The following CPD variants were observed in gnomAD, a reference collection of about 807,000 sequenced individuals.
CPD encodes the protein metallocarboxypeptidase D.
In CPD, 69 loss-of-function variants were observed where a neutral mutation model predicts 138.3. That is an observed-to-expected ratio of 0.50 (90% CI 0.41 to 0.61). The LOEUF (loss-of-function observed/expected upper bound fraction) is 0.61. Ranked by LOEUF, CPD falls within the 20% of genes least tolerant of loss-of-function variation. The pLI is 0.00. For synonymous variants in CPD, 651 were observed against 642.1 expected (o/e 1.01, Z -0.21); for missense variants, 1,432 against 1,733.3 (o/e 0.83, Z 3.09).
At chr17:30,390,296 C>T (rs781180533) in intron 2 of CPD, among the ~76,000 whole-genome samples, 56 of 152,116 alleles carry the variant, frequency 3.7e-4, no homozygotes, top group Non-Finnish European at 6.2e-4. Context: ...GGATTATAAA[C>T]GGGAGCCACA....
chr17:30,421,899 A>T, intron 4 of CPD, 66 bp downstream of exon 4: 2 of 1,223,540 alleles, frequency 1.6e-6, no homozygotes, highest in Non-Finnish European at 2.4e-6. Flanking sequence ...TCTGAGACAG[A>T]AATATAGTCT....
chr17:30,386,622 C>A (rs960718971), intron 2 of CPD, among the ~76,000 whole-genome samples: 2 of 152,142 alleles, frequency 1.3e-5, no homozygotes, highest in East Asian at 3.9e-4. Flanking sequence ...ATCCCTTACC[C>A]CCAGCCATTG....
chr17:30,462,101 A>C, intron 19 of CPD, 39 bp downstream of exon 19: 1 of 1,511,468 alleles, frequency 6.6e-7, no homozygotes, highest in South Asian at 1.2e-5. Context: ...GTAAATTTTT[A>C]TTCTTAATAA....
At chr17:30,382,275 ATAGAGT>A (rs1413229577) in intron 1 of CPD, among the ~76,000 whole-genome samples, 1 of 152,298 alleles carries the variant, frequency 6.6e-6, no homozygotes, top group Non-Finnish European at 1.5e-5. Context: ...GGATAGCGTA[ATAGAGT>A]TAATTTAGAG....
Position 30,379,782 on chromosome 17 carries a change from T to C in CPD, c.746+56T>C. 1 of 1,263,186 alleles carries C rather than the reference T, an allele frequency of 7.9e-7. No individual in the cohort carries two copies. The highest frequency in any genetic ancestry group is 3.3e-5 in the Admixed American group (1 of 30,328). 78.2% of individuals were successfully genotyped at this position (1,263,186 alleles called of 1,614,324 possible). Reference sequence around the variant, plus strand: ...GTGAGCCTCCAAGGGCCGAGGCTGGTTCCGGCACCCAGTAGGCGCTCAGAC... The same window carrying C: ...GTGAGCCTCCAAGGGCCGAGGCTGGCTCCGGCACCCAGTAGGCGCTCAGAC... On this transcript the variant is annotated intron_variant, in intron 1 of 20. Transcript: ENST00000225719. This position sits in a 1 kb window ranked among gnomAD's most constrained non-coding sequence, Gnocchi z 7.0.
intron 4 of CPD, 60 bp downstream of exon 4, chr17:30,421,893 A>G (rs1453579713): frequency 3.4e-5 from 44 of 1,290,122 alleles, no homozygotes; most frequent in Non-Finnish European, 4.5e-5. Flanking sequence ...TTTATATCTG[A>G]GACAGAAATA....
At chr17:30,441,574 A>G (rs1912863923) in intron 9 of CPD, among the ~76,000 whole-genome samples, 1 of 70,606 alleles carries the variant, frequency 1.4e-5, no homozygotes, top group Admixed American at 1.7e-4. Flanking sequence ...TATTATTTTG[A>G]AATACGTCCC....
At chr17:30,452,014 C>T (rs1913178609) in intron 14 of CPD, among the ~76,000 whole-genome samples, 168 bp downstream of exon 14, 1 of 152,110 alleles carries the variant, frequency 6.6e-6, no homozygotes, top group Admixed American at 6.5e-5. Context: ...GAATTTTTCT[C>T]CATTATTATT....
chr17:30,459,368 A>G (rs1389270088), intron 17 of CPD, among the ~76,000 whole-genome samples: 20 of 149,466 alleles, frequency 1.3e-4, no homozygotes. Flanking sequence ...TCCTAATGCT[A>G]TCCCTCCCCC....
chr17:30,400,652 CTTTTTTTTTT>C (rs34301387), intron 2 of CPD, among the ~76,000 whole-genome samples: 3 of 57,578 alleles, frequency 5.2e-5, no homozygotes, highest in Admixed American at 5.5e-4. Flanking sequence ...TGCCATCATT[CTTTTTTTTTT>C]TTTTTTTTTT....
At chr17:30,446,442 T>TG (rs1227304672) in intron 12 of CPD, among the ~76,000 whole-genome samples, 1 of 152,178 alleles carries the variant, frequency 6.6e-6, no homozygotes, top group Non-Finnish European at 1.5e-5. Context: ...TTTTTGTCCT[T>TG]GCGATAGTTT....
intron 12 of CPD, among the ~76,000 whole-genome samples, chr17:30,449,234 CTAAA>C (rs1430866613): frequency 1.3e-5 from 2 of 152,046 alleles, no homozygotes; most frequent in Admixed American, 6.5e-5. Flanking sequence ...AATATATTAA[CTAAA>C]TAGTAGTGTA....
At chr17:30,455,902 G>A in intron 15 of CPD, 1 of 270,982 alleles carries the variant, frequency 3.7e-6, no homozygotes, top group Non-Finnish European at 7.0e-6. Context: ...AATCTCTGTG[G>A]GGTCGCAGTA....
At chr17:30,381,267 A>G (rs1435717269) in intron 1 of CPD, among the ~76,000 whole-genome samples, 1 of 152,220 alleles carries the variant, frequency 6.6e-6, no homozygotes, top group African/African-American at 2.4e-5. Flanking sequence ...AGATGATACA[A>G]CAAATGCACC....
At chr17:30,394,545 A>G (rs150146177) in intron 2 of CPD, among the ~76,000 whole-genome samples, 46 of 152,288 alleles carry the variant, frequency 3.0e-4, no homozygotes, top group African/African-American at 8.9e-4. Flanking sequence ...AGGACAGTGT[A>G]GTGCTATTCG....
At chr17:30,432,777 G>A (rs1912598204) in intron 8 of CPD, among the ~76,000 whole-genome samples, 1 of 151,988 alleles carries the variant, frequency 6.6e-6, no homozygotes, top group African/African-American at 2.4e-5. Flanking sequence ...AAATTAGCCG[G>A]TTGTGGTGAC....
chr17:30,407,268 A>G (rs1464375104), intron 2 of CPD, among the ~76,000 whole-genome samples: 1 of 152,218 alleles, frequency 6.6e-6, no homozygotes, highest in Admixed American at 6.5e-5. Flanking sequence ...TAGTGCCGCA[A>G]TAAACATACA....
At chr17:30,442,549 T>TA (rs1347575051) in intron 10 of CPD, 99 bp downstream of exon 10, 1 of 1,112,134 alleles carries the variant, frequency 9.0e-7, no homozygotes, top group Non-Finnish European at 1.3e-6. Flanking sequence ...ATACACTCTT[T>TA]AAAATTTCAA....
intron 7 of CPD, among the ~76,000 whole-genome samples, chr17:30,429,274 A>G (rs1912502400): frequency 6.6e-6 from 1 of 152,230 alleles, no homozygotes; most frequent in African/African-American, 2.4e-5. Flanking sequence ...TAGTCTCATA[A>G]TAAATCACAC....
Sources: allele counts gnomAD v4.1 joint callset (sites outside exome capture counted in the v4.1 genomes callset), GRCh38; gene constraint gnomAD v4.1.1; non-coding constraint Gnocchi (gnomAD v3.1); transcripts MANE v1.5; gene names NCBI Gene and HGNC (gene_info 2026-07-23, HGNC 2026-07-21).